Variants in CDH9 observed in about 807,000 individuals in gnomAD.
The protein encoded by CDH9 is cadherin 9.
In CDH9, 28 loss-of-function variants were observed where a neutral mutation model predicts 70.9. That is an observed-to-expected ratio of 0.40 (90% CI 0.29 to 0.54). The LOEUF is 0.54. CDH9 is among the 20% of genes least tolerant of loss of function. The probability of loss-of-function intolerance (pLI) is 0.59; values close to 1 mark genes in which losing one functional copy is unlikely to be tolerated. For missense variants in CDH9, 874 were observed against 984.4 expected, an observed-to-expected ratio of 0.89 and a Z score of 1.50; for synonymous variants, 409 against 343.1, an observed-to-expected ratio of 1.19 and a Z score of -2.12.
chr5:26,932,424 T>C (rs1278315144), intron 2 of CDH9, among the ~76,000 whole-genome samples: 1 of 151,772 alleles, frequency 6.6e-6, no homozygotes, highest in Non-Finnish European at 1.5e-5. Flanking sequence ...AAAAACAAAA[T>C]ATTTGTAATG....
At chr5:26,988,663 T>C (rs1742529916) in intron 1 of CDH9, among the ~76,000 whole-genome samples, 1 of 152,118 alleles carries the variant, frequency 6.6e-6, no homozygotes, top group East Asian at 1.9e-4. Context: ...TTTAAAACAC[T>C]AAATATTTTG....
At chr5:26,948,840 C>G (rs1430182052) in intron 2 of CDH9, among the ~76,000 whole-genome samples, 13 of 152,116 alleles carry the variant, frequency 8.5e-5, no homozygotes, top group Non-Finnish European at 1.8e-4. Context: ...TGAACACGAC[C>G]TAAGTTTGAG....
chr5:27,016,946 A>G (rs1347653636), intron 1 of CDH9, among the ~76,000 whole-genome samples: 3 of 151,868 alleles, frequency 2.0e-5, no homozygotes, highest in Non-Finnish European at 4.4e-5. Flanking sequence ...AAGTGTTGTC[A>G]TTTTTAAATT....
At chr5:26,961,314 T>TG (rs1742031188) in intron 2 of CDH9, among the ~76,000 whole-genome samples, 3 of 152,186 alleles carry the variant, frequency 2.0e-5, no homozygotes, top group African/African-American at 7.2e-5. Flanking sequence ...CATGTTATTA[T>TG]CAGCTATAGT....
Position 26,881,611 on chromosome 5 carries a change from A to G in CDH9, c.1895T>C (p.Leu632Ser), listed in dbSNP as rs749634049. ...TCTTTGCCTCTTCAATGCAGCAAAC[A>G]ACACGACTAAAACTATTAATAAGAA... ...CVLILLILVV[L>S]FAALKRQRKK... is the part of the protein sequence containing the mutation. The change falls in exon 12 of 12, where the codon TTG becomes TCG. Residue 632 changes from leucine (L) to serine (S), a missense_variant. Leu to Ser is a moderately radical substitution (Grantham distance 145, BLOSUM62 -2). Transcript: ENST00000231021. 8.1e-6 allele frequency: 13 copies of G among 1,607,876 alleles called. 1 individual carries two copies. In the South Asian group the frequency reaches 1.3e-4, roughly 16 times the overall value.
At chr5:26,938,193 AC>A (rs1280688789) in intron 2 of CDH9, among the ~76,000 whole-genome samples, 1 of 150,782 alleles carries the variant, frequency 6.6e-6, no homozygotes, top group African/African-American at 2.5e-5. Context: ...ATGCATAGTT[AC>A]AAAAAAAAAA....
chr5:26,956,107 A>C (rs1741943466), intron 2 of CDH9, among the ~76,000 whole-genome samples: 1 of 152,090 alleles, frequency 6.6e-6, no homozygotes, highest in Admixed American at 6.6e-5. Context: ...TCCCCACCCA[A>C]ATCTCATTTG....
At chr5:26,892,307 G>A (rs1243833607) in intron 7 of CDH9, among the ~76,000 whole-genome samples, 1 of 152,026 alleles carries the variant, frequency 6.6e-6, no homozygotes, top group African/African-American at 2.4e-5. Flanking sequence ...TTAACATTTA[G>A]GTGAATCACA....
At chr5:26,971,024 C>T (rs1275821037) in intron 2 of CDH9, among the ~76,000 whole-genome samples, 2 of 152,122 alleles carry the variant, frequency 1.3e-5, no homozygotes, top group Non-Finnish European at 2.9e-5. Flanking sequence ...TAGAAGGGGC[C>T]ATTCTTATCA....
At chr5:26,938,155 A>C (rs1741593341) in intron 2 of CDH9, among the ~76,000 whole-genome samples, 1 of 151,848 alleles carries the variant, frequency 6.6e-6, no homozygotes, top group African/African-American at 2.4e-5. Flanking sequence ...TCTAAAAATA[A>C]AAATCTATTA....
rs1158819339 is a variant in CDH9 at position 26,906,725 on chromosome 5, C to T, written c.637G>A (p.Glu213Lys). 1 of 1,612,750 alleles carries T rather than the reference C, an allele frequency of 6.2e-7. No homozygotes were observed. Among genetic ancestry groups the T allele is most frequent in the African/African-American group, 1.3e-5 (1 of 74,896 alleles). ...QGQPYFSVDP[E>K]SGIIKTALPD... is the part of the protein sequence containing the mutation. ...CCAAGTTTAAATGTTGTACCTGATT[C>T]TGGGTCCACTGAAAAATATGGCTGT... Residue 213 changes from glutamate to lysine, a missense_variant, in exon 4 of 12, where the codon GAA (glutamate) becomes AAA (lysine). Coordinates refer to ENST00000231021, the MANE Select transcript of CDH9 (RefSeq NM_016279.4).
At chr5:26,979,846 A>G (rs1742369461) in intron 2 of CDH9, among the ~76,000 whole-genome samples, 1 of 151,886 alleles carries the variant, frequency 6.6e-6, no homozygotes, top group African/African-American at 2.4e-5. Flanking sequence ...ATAAAGAAAG[A>G]TCATTAGATA....
intron 1 of CDH9, among the ~76,000 whole-genome samples, chr5:27,025,806 G>C (rs1323027092): frequency 1.3e-5 from 2 of 151,958 alleles, no homozygotes; most frequent in East Asian, 3.9e-4. Context: ...TCAACATTCA[G>C]ACTAAAGGAG....
At chr5:26,987,060 C>A (rs879455212) in intron 2 of CDH9, among the ~76,000 whole-genome samples, 1 of 147,714 alleles carries the variant, frequency 6.8e-6, no homozygotes, top group Admixed American at 6.8e-5. Context: ...AAGCTACAAG[C>A]ATGACATTTG....
In CDH9 at chr5:26,885,620, G is replaced by A. The variant is rs1740550594; in HGVS notation, c.1876C>T (p.Leu626=). Reference sequence around the variant, plus strand: ...TCAGAGGGGCAGAGCTTACTAAGCAGTATGAGGACACAGAGTAGAATCGCA... The same window carrying A: ...TCAGAGGGGCAGAGCTTACTAAGCAATATGAGGACACAGAGTAGAATCGCA... The part of the protein sequence containing the change: ...LVAILLCVLI[L]LILVVLFAAL... Residue 626 remains leucine, a synonymous_variant, in exon 11 of 12, where the codon CTG becomes TTG. Transcript: ENST00000231021. The A allele has an allele frequency of 4.3e-6, 7 of 1,612,802 alleles. No individual in the cohort carries two copies. Among genetic ancestry groups the A allele is most frequent in the Admixed American group, 1.7e-5 (1 of 59,900 alleles).
At chr5:26,993,698 CAAAAAAAAAA>C (rs34545141) in intron 1 of CDH9, among the ~76,000 whole-genome samples, 4 of 51,004 alleles carry the variant, frequency 7.8e-5, no homozygotes, top group Admixed American at 3.1e-4. Context: ...TATTCAGCTG[CAAAAAAAAAA>C]AAAAAAAAAA....
chr5:26,903,435 A>G (rs1158190508), intron 6 of CDH9: 6 of 672,310 alleles, frequency 8.9e-6, no homozygotes, highest in African/African-American at 7.2e-5. Flanking sequence ...TAGTTTTAGC[A>G]TGAACAACTG....
chr5:26,995,538 T>C (rs1208942061), intron 1 of CDH9, among the ~76,000 whole-genome samples: 1 of 152,118 alleles, frequency 6.6e-6, no homozygotes, highest in Non-Finnish European at 1.5e-5. Flanking sequence ...TCATAATTCT[T>C]TATAAATTTA....
At position 26,881,523 on chromosome 5, in the gene CDH9, A is replaced by C; in HGVS notation, c.1983T>G (p.Asp661Glu). The change falls in exon 12 of 12, where the codon GAT (aspartate) becomes GAG (glutamate). Residue 661 changes from aspartate to glutamate, a missense_variant. Coordinates refer to ENST00000231021, the MANE Select transcript of CDH9 (RefSeq NM_016279.4). The part of the protein sequence containing the change: ...DVRDNIVTYN[D>E]EGGGEEDTQA... ...GGGTATCTTCTTCCCCGCCGCCTTC[A>C]TCGTTGTAGGTCACAATGTTGTCCC... 1 of 1,613,788 alleles carries C rather than the reference A, an allele frequency of 6.2e-7. No individual in the cohort carries two copies. Among genetic ancestry groups the C allele is most frequent in the Non-Finnish European group, 8.5e-7 (1 of 1,179,820 alleles).
Sources: allele counts gnomAD v4.1 joint callset (sites outside exome capture counted in the v4.1 genomes callset), GRCh38; gene constraint gnomAD v4.1.1; transcripts MANE v1.5; gene names NCBI Gene and HGNC (gene_info 2026-07-23, HGNC 2026-07-21).